SULF2: variants seen among roughly 807,000 people sequenced by gnomAD.
SULF2 encodes the protein sulfatase 2.
SULF2 carries 52 observed loss-of-function variants against 107.7 expected under a neutral mutation model. The ratio of observed to expected loss-of-function variants is 0.48; its 90% CI spans 0.39 to 0.61. The LOEUF (loss-of-function observed/expected upper bound fraction) is 0.61. Ranked by LOEUF, SULF2 falls within the 20% of genes least tolerant of loss-of-function variation. The pLI is 0.00. For missense variants in SULF2, 993 were observed against 1,177.3 expected (o/e 0.84, Z 2.29); for synonymous variants, 460 against 464.3 (o/e 0.99, Z 0.12).
intron 5 of SULF2, chr20:47,689,660 A>G (rs1438891004): frequency 6.5e-6 from 1 of 153,006 alleles, no homozygotes; most frequent in Non-Finnish European, 1.5e-5. Flanking sequence ...ATGGCAATAG[A>G]TAACTGGTAC....
At chr20:47,686,034 G>A (rs540708428) in intron 5 of SULF2, 2 of 152,418 alleles carry the variant, frequency 1.3e-5, no homozygotes, top group East Asian at 3.9e-4. Context: ...AATACAGACA[G>A]TGCCAGTTCC....
intron 1 of SULF2, among the ~76,000 whole-genome samples, chr20:47,758,632 C>T (rs1256042041): frequency 6.6e-6 from 1 of 152,106 alleles, no homozygotes; most frequent in Non-Finnish European, 1.5e-5. Flanking sequence ...GAGGTGGGGA[C>T]GCGACTCTGG....
chr20:47,666,632 T>C lies in SULF2; in HGVS notation c.1577-144A>G. The stretch of plus-strand genomic sequence containing the variant: ...CTGCGACTCGAGGGGTCGTGGAATC[T>C]ACCCGCCTGCTCGCAGATCCTGGAC... On this transcript the variant is annotated intron_variant, in intron 11 of 20. Coordinates refer to ENST00000688720, the MANE Select transcript of SULF2 (RefSeq NM_001387048.1). The surrounding 1 kb of genome is among the most constrained non-coding windows in gnomAD (Gnocchi z 5.4). The C allele has an allele frequency of 3.0e-6, 2 of 667,640 alleles. No individual in the cohort carries two copies. The highest frequency in any genetic ancestry group is 2.7e-5 in the East Asian group (1 of 36,746). 41.4% of individuals were successfully genotyped at this position (667,640 alleles called of 1,614,324 possible).
chr20:47,682,180 C>T (rs1360867108), intron 7 of SULF2, among the ~76,000 whole-genome samples: 1 of 152,228 alleles, frequency 6.6e-6, no homozygotes. Flanking sequence ...GGAATTCTCG[C>T]AAAATGTCCA....
chr20:47,706,265 A>G (rs1200619965), intron 3 of SULF2, among the ~76,000 whole-genome samples: 1 of 152,060 alleles, frequency 6.6e-6, no homozygotes, highest in Non-Finnish European at 1.5e-5. Context: ...CCCCACCTCT[A>G]ACGCTGCCCT....
chr20:47,768,699 C>A (rs568488611), intron 1 of SULF2, among the ~76,000 whole-genome samples: 1 of 152,220 alleles, frequency 6.6e-6, no homozygotes, highest in Non-Finnish European at 1.5e-5. Flanking sequence ...GTGGGAATCA[C>A]AAATTCTGGA....
chr20:47,669,661 C>G (rs761664683), intron 11 of SULF2, among the ~76,000 whole-genome samples: 90 of 152,276 alleles, frequency 5.9e-4, no homozygotes, highest in Middle Eastern at 3.4e-3. Context: ...CCACGTGACC[C>G]AGTCTTTCCT....
chr20:47,660,949 C>T (rs941180551), intron 18 of SULF2, among the ~76,000 whole-genome samples: 1 of 152,132 alleles, frequency 6.6e-6, no homozygotes, highest in Non-Finnish European at 1.5e-5. Context: ...CTTTACTGCT[C>T]CCACCTCTAG....
At chr20:47,706,635 G>A (rs2088747031) in intron 3 of SULF2, 1 of 152,306 alleles carries the variant, frequency 6.6e-6, no homozygotes, top group South Asian at 2.1e-4. Context: ...GGCATGCATA[G>A]CCCAATCCCT....
At chr20:47,710,998 G>A (rs911137145) in intron 3 of SULF2, among the ~76,000 whole-genome samples, 4 of 152,156 alleles carry the variant, frequency 2.6e-5, no homozygotes, top group Non-Finnish European at 4.4e-5. Context: ...GCTGTGTCTC[G>A]TGGCGACCAG....
chr20:47,760,488 G>A (rs1307729490), intron 1 of SULF2, among the ~76,000 whole-genome samples: 1 of 152,132 alleles, frequency 6.6e-6, no homozygotes, highest in Non-Finnish European at 1.5e-5. Context: ...CAAGTCTCGG[G>A]AAAGTAAGGG....
chr20:47,661,911 G>A lies in SULF2; in HGVS notation c.2371-15C>T. On this transcript the variant is annotated splice_polypyrimidine_tract_variant and intron_variant, in intron 17 of 20. Coordinates refer to ENST00000688720, the MANE Select transcript of SULF2 (RefSeq NM_001387048.1). ...GCATTCATCAGCTGGTTGCAAAAAAGGTAGTCTGTCAACAAGGTAAGTACA... is the reference window on the plus strand; with the variant it reads ...GCATTCATCAGCTGGTTGCAAAAAAAGTAGTCTGTCAACAAGGTAAGTACA... 6.5e-7 allele frequency: 1 copy of A among 1,535,610 alleles called. No individual in the cohort carries two copies. The highest frequency in any genetic ancestry group is 8.9e-7 in the Non-Finnish European group (1 of 1,128,032).
intron 3 of SULF2, among the ~76,000 whole-genome samples, chr20:47,707,565 C>T (rs2088786757): frequency 6.6e-6 from 1 of 152,184 alleles, no homozygotes; most frequent in African/African-American, 2.4e-5. Flanking sequence ...GTTCCACCCA[C>T]AAAGGCACCA....
At chr20:47,710,828 C>T (rs759844636) in intron 3 of SULF2, among the ~76,000 whole-genome samples, 12 of 152,160 alleles carry the variant, frequency 7.9e-5, no homozygotes, top group Non-Finnish European at 1.8e-4. Flanking sequence ...GGCAGCTCTA[C>T]GGTGGAGGCT....
Position 47,665,478 on chromosome 20 carries a change from C to G in SULF2, c.1903-185G>C, listed in dbSNP as rs575171225. Among the ~76,000 whole-genome samples the G allele has an allele frequency of 3.1e-3, 476 of 152,344 alleles. 2 individuals are homozygous for G. Among genetic ancestry groups the G allele is most frequent in the African/African-American group, 0.011 (447 of 41,574 alleles). On this transcript the variant is annotated intron_variant, in intron 13 of 20. Coordinates refer to ENST00000688720, the MANE Select transcript of SULF2 (RefSeq NM_001387048.1). ...GGTACTTGTTCTGCCTGAAGGAAGC[C>G]CGCCTTCTCCTCCAGCCAGCCCTTG...
intron 1 of SULF2, among the ~76,000 whole-genome samples, chr20:47,776,438 A>C (rs373367626): frequency 6.6e-6 from 1 of 152,134 alleles, no homozygotes; most frequent in Non-Finnish European, 1.5e-5. Context: ...TTCCACATTC[A>C]CAGGAGCGCG....
intron 7 of SULF2, among the ~76,000 whole-genome samples, chr20:47,682,774 G>A (rs1889177): frequency 0.5 from 75,486 of 152,010 alleles, 19,149 homozygotes; most frequent in East Asian, 0.65. Context: ...CCTGGCATAC[G>A]GCCCCACCAC....
chr20:47,708,048 C>T (rs111741976), intron 3 of SULF2, among the ~76,000 whole-genome samples: 327 of 152,260 alleles, frequency 2.1e-3, no homozygotes, highest in African/African-American at 7.2e-3. Context: ...TGTATCCATT[C>T]GGCAAGTGTT....
chr20:47,684,700 G>C, intron 5 of SULF2, 119 bp from the exon 6 acceptor site: 1 of 974,214 alleles, frequency 1.0e-6, no homozygotes, highest in Non-Finnish European at 1.5e-6. Flanking sequence ...CCCAGGGCCA[G>C]GTGTGATCTC....
Sources: gnomAD v4.1 joint callset for allele counts (sites outside exome capture counted in the v4.1 genomes callset) on GRCh38, gnomAD v4.1.1 for gene constraint, Gnocchi (gnomAD v3.1) non-coding constraint, MANE v1.5 for transcripts, NCBI Gene and HGNC (gene_info 2026-07-23, HGNC 2026-07-21) for gene names.